MPHOSPH8: variants seen among roughly 807,000 people sequenced by gnomAD.
MPHOSPH8 encodes M-phase phosphoprotein, mpp.
A neutral mutation model predicts 87.3 loss-of-function variants in MPHOSPH8; 45 were observed. The observed-to-expected ratio is 0.52, with a 90% CI of 0.41 to 0.66. The LOEUF (loss-of-function observed/expected upper bound fraction) is 0.66, where lower values mean the gene tolerates loss of function less well. Among genes scored for constraint, MPHOSPH8 ranks in the 30% least tolerant of loss-of-function variants. MPHOSPH8 has a pLI of 0.00. For synonymous variants in MPHOSPH8, 366 were observed against 376.9 expected (o/e 0.97, Z 0.33); for missense variants, 883 against 1,020.2 (o/e 0.87, Z 1.83).
chr13:19,671,918 C>T lies in MPHOSPH8; in HGVS notation c.*43C>T. The T allele has an allele frequency of 6.3e-7, 1 of 1,593,488 alleles. No individual in the cohort carries two copies. Among genetic ancestry groups the T allele is most frequent in the African/African-American group, 1.3e-5 (1 of 74,492 alleles). On this transcript the variant is annotated 3_prime_UTR_variant, in exon 14 of 14. Transcript: ENST00000361479. ...GGCGGAGTTCTCTTCAGACCGATTC[C>T]TATACTCTCTTTGACAGCAGTTTGG...
At chr13:19,666,225 CAA>C (rs1875805203) in intron 9 of MPHOSPH8, among the ~76,000 whole-genome samples, 198 bp from the exon 10 acceptor site, 3 of 152,320 alleles carry the variant, frequency 2.0e-5, no homozygotes, top group African/African-American at 7.2e-5. Flanking sequence ...GCCCCTGAGT[CAA>C]AGATACTCCC....
At chr13:19,661,377 C>T (rs1008639407) in intron 7 of MPHOSPH8, among the ~76,000 whole-genome samples, 5 of 152,208 alleles carry the variant, frequency 3.3e-5, no homozygotes, top group African/African-American at 9.7e-5. Flanking sequence ...TGTGAATAAA[C>T]GTGCTTGTGG....
In MPHOSPH8 at chr13:19,671,831, C is replaced by T; in HGVS notation, c.2542-3C>T. ...TGACACCTGCGTTCTTTTCTTTCAACAGGTTAAGTTGCTAATAGGTGCATA... is the reference window on the plus strand; with the variant it reads ...TGACACCTGCGTTCTTTTCTTTCAATAGGTTAAGTTGCTAATAGGTGCATA... On this transcript the variant is annotated splice_region_variant and splice_polypyrimidine_tract_variant and intron_variant, in intron 13 of 13. Coordinates refer to ENST00000361479, the MANE Select transcript of MPHOSPH8 (RefSeq NM_017520.4). The T allele has an allele frequency of 1.9e-6, 3 of 1,613,996 alleles. No individual in the cohort carries two copies. Among genetic ancestry groups the T allele is most frequent in the Non-Finnish European group, 8.5e-7 (1 of 1,179,904 alleles).
At chr13:19,648,557 GCTAT>G (rs773074108) in intron 4 of MPHOSPH8, 36 bp downstream of exon 4, 16 of 1,091,774 alleles carry the variant, frequency 1.5e-5, no homozygotes, top group Non-Finnish European at 2.0e-5. Context: ...CATTTACGTT[GCTAT>G]CTTTTATACA....
intron 7 of MPHOSPH8, among the ~76,000 whole-genome samples, chr13:19,660,116 T>A (rs1875439615): frequency 1.3e-5 from 2 of 151,106 alleles, no homozygotes; most frequent in Non-Finnish European, 3.0e-5. Context: ...GCCTGCCACC[T>A]CGCCCGGCTA....
intron 9 of MPHOSPH8, among the ~76,000 whole-genome samples, chr13:19,664,885 G>A (rs1875731357): frequency 6.6e-6 from 1 of 152,126 alleles, no homozygotes; most frequent in Non-Finnish European, 1.5e-5. Flanking sequence ...GCCATAGGTT[G>A]AGAGTGGGGT....
Position 19,666,497 on chromosome 13 carries a change from A to G in MPHOSPH8, c.2092A>G (p.Lys698Glu). 6.2e-7 allele frequency: 1 copy of G among 1,612,060 alleles called. No individual in the cohort carries two copies. Among genetic ancestry groups the G allele is most frequent in the South Asian group, 1.1e-5 (1 of 90,990 alleles). Residue 698 changes from lysine (K) to glutamate (E), a missense_variant, in exon 10 of 14, where the codon AAG (lysine) becomes GAG (glutamate). By Grantham distance (56) the Lys-to-Glu change is moderately conservative. Around this residue, in one of 3 missense-constraint regions of MPHOSPH8, gnomAD observed 741 missense variants for 841.5 expected, o/e 0.88. Transcript: ENST00000361479. ...TGGAGCTGACTGCAATATTTTGTCA[A>G]AGCACCAGAATAGTGCCCTGCACTT... is the stretch of plus-strand genomic sequence containing the variant. Reference protein sequence around the residue: ...ECGADCNILSKHQNSALHFAK... With the variant: ...ECGADCNILSEHQNSALHFAK...
intron 7 of MPHOSPH8, chr13:19,659,770 A>G (rs1349958340): frequency 6.5e-6 from 2 of 307,530 alleles, no homozygotes; most frequent in Non-Finnish European, 1.3e-5. Context: ...TCCCCTCTAA[A>G]AGTGATGGTT....
intron 5 of MPHOSPH8, among the ~76,000 whole-genome samples, chr13:19,656,714 C>T (rs1053499622): frequency 1.3e-5 from 2 of 150,014 alleles, no homozygotes; most frequent in African/African-American, 2.5e-5. Context: ...GAGCTGAGAT[C>T]GTGCCATCGC....
chr13:19,669,857 T>TA lies in MPHOSPH8; in HGVS notation c.2330-378dup, dbSNP rs1276514705. Among the ~76,000 whole-genome samples the TA allele has an allele frequency of 3.3e-5, 5 of 151,892 alleles. No individual in the cohort carries two copies. The East Asian group carries it at 9.7e-4, about 29-fold the overall frequency. On this transcript the variant is annotated intron_variant, in intron 11 of 13. Transcript: ENST00000361479. ...AGAAAAATTGGAAGGGGCAAAAGGG[T>TA]ATGTGGAAGAAAATGGAAAACCACT...
intron 9 of MPHOSPH8, among the ~76,000 whole-genome samples, chr13:19,665,305 GAGA>G (rs1169473697): frequency 1.3e-5 from 2 of 152,202 alleles, no homozygotes; most frequent in African/African-American, 2.4e-5. Context: ...GTTTTAGAAT[GAGA>G]AGATGTAAAC....
chr13:19,662,418 T>C (rs537794261), intron 8 of MPHOSPH8, among the ~76,000 whole-genome samples: 5 of 152,274 alleles, frequency 3.3e-5, no homozygotes, highest in African/African-American at 9.6e-5. Flanking sequence ...CCACCACACC[T>C]GGCTAATTTT....
rs549234655 is a variant in MPHOSPH8, at chr13:19,647,232, A to G, written c.1159A>G (p.Lys387Glu). ...KLMPVSAQTP[K>E]GRRLSGEERG... The stretch of plus-strand genomic sequence containing the variant: ...GATGCCTGTATCTGCCCAAACGCCA[A>G]AGGGCCGGAGGTTGAGCGGGGAAGA... The change falls in exon 3 of 14, where the codon AAG (lysine) becomes GAG (glutamate). Residue 387 changes from lysine (K) to glutamate (E), a missense_variant. Physicochemically the swap from Lys to Glu is moderately conservative, Grantham distance 56. Coordinates refer to ENST00000361479, the MANE Select transcript of MPHOSPH8 (RefSeq NM_017520.4). 3.1e-6 allele frequency: 5 copies of G among 1,614,046 alleles called. No homozygotes were observed. The South Asian group carries it at 5.5e-5, about 18-fold the overall frequency.
intron 1 of MPHOSPH8, among the ~76,000 whole-genome samples, chr13:19,636,841 G>A (rs917241508): frequency 6.6e-6 from 1 of 152,092 alleles, no homozygotes; most frequent in Non-Finnish European, 1.5e-5. Flanking sequence ...TGGTAGAATA[G>A]GGGTCTGCCT....
chr13:19,649,401 C>T (rs1445937075), intron 4 of MPHOSPH8, among the ~76,000 whole-genome samples: 1 of 152,102 alleles, frequency 6.6e-6, no homozygotes, highest in East Asian at 1.9e-4. Flanking sequence ...TTTCAATATT[C>T]CCTGATAATA....
chr13:19,663,426 T>C (rs1326302776), intron 9 of MPHOSPH8, among the ~76,000 whole-genome samples: 1 of 152,192 alleles, frequency 6.6e-6, no homozygotes, highest in Non-Finnish European at 1.5e-5. Context: ...GGTGCCACAC[T>C]GTGTCCTAAA....
In MPHOSPH8 at chr13:19,670,333, G is replaced by C. The variant is rs1244064278; in HGVS notation, c.2427G>C (p.Leu809=). 6.2e-7 allele frequency: 1 copy of C among 1,614,014 alleles called. No individual in the cohort carries two copies. Among genetic ancestry groups the C allele is most frequent in the Non-Finnish European group, 8.5e-7 (1 of 1,179,928 alleles). Residue 809 remains leucine (L), a synonymous_variant, in exon 12 of 14, where the codon CTG becomes CTC. Coordinates refer to ENST00000361479, the MANE Select transcript of MPHOSPH8 (RefSeq NM_017520.4). ...CGTGTAGTGTACAAGCTGTAGTTCTGAATGATAAATTTCAGCTTCCTGTTT... is the reference window on the plus strand; with the variant it reads ...CGTGTAGTGTACAAGCTGTAGTTCTCAATGATAAATTTCAGCTTCCTGTTT... ...CGPCSVQAVV[L]NDKFQLPVFL...
chr13:19,673,278 T>C lies in MPHOSPH8; in HGVS notation c.*1403T>C, dbSNP rs1195594297. The C allele has an allele frequency of 1.1e-5, 4 of 371,750 alleles. No individual in the cohort carries two copies. The highest frequency in any genetic ancestry group is 4.0e-5 in the South Asian group (2 of 49,734). 23.0% of individuals were successfully genotyped at this position (371,750 alleles called of 1,614,324 possible). A position where few individuals can be genotyped will look rare whatever the true frequency, so the allele number is the denominator to read the frequency against. ...AAGCTCAGTCTGGGTTATGGAGAAG[T>C]TGAAAATTGTTTTGTTCCTCATTAG... On this transcript the variant is annotated 3_prime_UTR_variant, in exon 14 of 14. Coordinates refer to ENST00000361479, the MANE Select transcript of MPHOSPH8 (RefSeq NM_017520.4).
intron 8 of MPHOSPH8, among the ~76,000 whole-genome samples, chr13:19,662,162 A>C (rs1013525133): frequency 2.6e-5 from 4 of 152,040 alleles, no homozygotes; most frequent in Admixed American, 6.5e-5. Context: ...GATGGTCTCG[A>C]TCTCCTGACC....
Sources: allele counts gnomAD v4.1 joint callset (sites outside exome capture counted in the v4.1 genomes callset), GRCh38; gene constraint gnomAD v4.1.1; regional missense constraint gnomAD v4.1.1; transcripts MANE v1.5; gene names NCBI Gene and HGNC (gene_info 2026-07-23, HGNC 2026-07-21).